Variants in SNRNP40 observed in about 807,000 individuals in gnomAD.
SNRNP40 encodes the protein U5 small nuclear ribonucleoprotein 40 kDa protein.
SNRNP40 carries 21 observed loss-of-function variants against 45.8 expected under a neutral mutation model. The ratio of observed to expected loss-of-function variants is 0.46; its 90% CI spans 0.32 to 0.66. The LOEUF is 0.66. Ranked by LOEUF, SNRNP40 falls within the 30% of genes least tolerant of loss-of-function variation. The probability of loss-of-function intolerance (pLI) is 0.03; values close to 1 mark genes in which losing one functional copy is unlikely to be tolerated. For synonymous variants in SNRNP40, 142 were observed against 163.8 expected (o/e 0.87, Z 1.01); for missense variants, 344 against 439.1 (o/e 0.78, Z 1.94).
rs1460447309 is a variant in SNRNP40, at chr1:31,269,150, G to A, written c.858+8C>T. ...AACAGTAAAACTCCTCTGCCATGCA[G>A]AACTCACCTTTTCAAAGTTGTGCAC... On this transcript the variant is annotated splice_region_variant and intron_variant, in intron 7 of 9. Transcript: ENST00000263694. 1 of 1,593,476 alleles carries A rather than the reference G, an allele frequency of 6.3e-7. No individual in the cohort carries two copies. The highest frequency in any genetic ancestry group is 8.5e-7 in the Non-Finnish European group (1 of 1,171,318).
chr1:31,271,224 G>A, intron 6 of SNRNP40, 155 bp downstream of exon 6: 1 of 695,122 alleles, frequency 1.4e-6, no homozygotes, highest in Non-Finnish European at 2.3e-6. Flanking sequence ...AGTTGTTCAG[G>A]GACAAGACAG....
chr1:31,284,272 C>T (rs1269834321), intron 4 of SNRNP40, among the ~76,000 whole-genome samples: 1 of 152,212 alleles, frequency 6.6e-6, no homozygotes. Flanking sequence ...CTTTAGCCTC[C>T]TGGATAGCTG....
chr1:31,267,985 A>G (rs1645911140), intron 7 of SNRNP40, 53 bp from the exon 8 acceptor site: 1 of 1,266,830 alleles, frequency 7.9e-7, no homozygotes, highest in Admixed American at 1.8e-5. Flanking sequence ...CCTCTTTGCA[A>G]GGCTACCGAA....
At chr1:31,282,180 C>T (rs1056677719) in intron 4 of SNRNP40, 1 of 152,046 alleles carries the variant, frequency 6.6e-6, no homozygotes, top group African/African-American at 2.4e-5. Context: ...ACTGAGGAAG[C>T]AAAGGGGGCC....
intron 1 of SNRNP40, among the ~76,000 whole-genome samples, chr1:31,295,840 G>C (rs752169974): frequency 6.6e-6 from 1 of 152,264 alleles, no homozygotes; most frequent in Non-Finnish European, 1.5e-5. Flanking sequence ...GGCAATGATG[G>C]AGATGGTAGA....
intron 9 of SNRNP40, chr1:31,261,142 AC>A: frequency 2.0e-6 from 1 of 502,472 alleles, no homozygotes; most frequent in Non-Finnish European, 3.3e-6. Context: ...GGAGTTCGTG[AC>A]CACCCTGACC....
Position 31,292,029 on chromosome 1 carries a change from G to A in SNRNP40, c.272-23C>T, listed in dbSNP as rs1025973959. The A allele has an allele frequency of 2.3e-5, 33 of 1,454,550 alleles. No individual in the cohort carries two copies. The African/African-American group carries it at 3.8e-4, about 17-fold the overall frequency. The allele number at this position is 1,454,550 out of a possible 1,614,324, so 90.1% of individuals were successfully genotyped here. On this transcript the variant is annotated intron_variant, in intron 2 of 9. Coordinates refer to ENST00000263694, the MANE Select transcript of SNRNP40 (RefSeq NM_004814.3). ...GTACTGTTAGGGAGATGGGTTCTGT[G>A]AGCATTACTAGGCAAAGGGTACTTA...
At chr1:31,294,308 A>T (rs891880163) in intron 1 of SNRNP40, among the ~76,000 whole-genome samples, 1 of 152,116 alleles carries the variant, frequency 6.6e-6, no homozygotes, top group African/African-American at 2.4e-5. Context: ...GCATGGGTGA[A>T]GTAGTTTTGA....
At chr1:31,261,963 T>C (rs1645861973) in intron 8 of SNRNP40, 1 of 194,584 alleles carries the variant, frequency 5.1e-6, no homozygotes, top group African/African-American at 2.4e-5. Flanking sequence ...GTGTCTAGTA[T>C]AATTAGGCTA....
intron 5 of SNRNP40, among the ~76,000 whole-genome samples, chr1:31,278,467 C>T (rs1645991538): frequency 6.6e-6 from 1 of 152,194 alleles, no homozygotes; most frequent in Non-Finnish European, 1.5e-5. Context: ...TGTAAATTTA[C>T]ATGTCTTGAA....
intron 8 of SNRNP40, among the ~76,000 whole-genome samples, chr1:31,266,216 T>C (rs1011677077): frequency 2.0e-5 from 3 of 152,208 alleles, no homozygotes; most frequent in African/African-American, 7.2e-5. Context: ...GTGCAGCTTC[T>C]GTGTGGCAGC....
Position 31,291,995 on chromosome 1 carries a change from C to T in SNRNP40, c.283G>A (p.Val95Ile), listed in dbSNP as rs748750316. Residue 95 changes from valine (V) to isoleucine (I), a missense_variant, in exon 3 of 10, where the codon GTC (valine) becomes ATC (isoleucine). Coordinates refer to ENST00000263694, the MANE Select transcript of SNRNP40 (RefSeq NM_004814.3). Reference sequence around the variant, plus strand: ...GCATAGTTATCACAGTCACCATAGACATTCCACAGTACTGTTAGGGAGATG... The same window carrying T: ...GCATAGTTATCACAGTCACCATAGATATTCCACAGTACTGTTAGGGAGATG... ...GFDRLILLWNVYGDCDNYATL... is the reference protein window; with the variant it reads ...GFDRLILLWNIYGDCDNYATL... 3 of 1,608,054 alleles carry T rather than the reference C, an allele frequency of 1.9e-6. No individual in the cohort carries two copies. In the East Asian group the frequency reaches 6.7e-5, roughly 36 times the overall value.
chr1:31,277,181 G>A (rs1471402929), intron 5 of SNRNP40, among the ~76,000 whole-genome samples: 3 of 152,042 alleles, frequency 2.0e-5, no homozygotes, highest in African/African-American at 4.8e-5. Context: ...TCGGCAGAGC[G>A]AGACTCTCTC....
intron 4 of SNRNP40, among the ~76,000 whole-genome samples, chr1:31,286,459 T>A (rs576811199): frequency 6.6e-6 from 1 of 152,270 alleles, no homozygotes; most frequent in African/African-American, 2.4e-5. Context: ...TTAACCAACT[T>A]GGGTCATTCC....
intron 5 of SNRNP40, among the ~76,000 whole-genome samples, chr1:31,274,380 G>A (rs1167687297): frequency 6.6e-6 from 1 of 151,956 alleles, no homozygotes; most frequent in Non-Finnish European, 1.5e-5. Context: ...GGGACTACAG[G>A]CGCGCACCAC....
At chr1:31,267,467 T>C (rs1048448153) in intron 8 of SNRNP40, among the ~76,000 whole-genome samples, 6 of 152,220 alleles carry the variant, frequency 3.9e-5, no homozygotes, top group African/African-American at 4.8e-5. Context: ...CATAACTCTA[T>C]GTCTGCTCTA....
Position 31,267,865 on chromosome 1 carries a change from C to T in SNRNP40, c.920+6G>A. 2 of 1,610,024 alleles carry T rather than the reference C, an allele frequency of 1.2e-6. No individual in the cohort carries two copies. Among genetic ancestry groups the T allele is most frequent in the Non-Finnish European group, 1.7e-6 (2 of 1,176,496 alleles). On this transcript the variant is annotated splice_donor_region_variant and intron_variant, in intron 8 of 9. Coordinates refer to ENST00000263694, the MANE Select transcript of SNRNP40 (RefSeq NM_004814.3). ...CATTCTTTACTTTGCACCCACTAATCCTTACCTGTCGGCTGAGCCAGCTGC... is the reference window on the plus strand; with the variant it reads ...CATTCTTTACTTTGCACCCACTAATTCTTACCTGTCGGCTGAGCCAGCTGC...
At chr1:31,295,651 T>C (rs1459216021) in intron 1 of SNRNP40, among the ~76,000 whole-genome samples, 2 of 152,194 alleles carry the variant, frequency 1.3e-5, no homozygotes, top group Non-Finnish European at 2.9e-5. Context: ...GTTTTTACTC[T>C]GGATGAAGTA....
At chr1:31,261,658 G>C in intron 8 of SNRNP40, 26 bp from the exon 9 acceptor site, 1 of 1,511,866 alleles carries the variant, frequency 6.6e-7, no homozygotes, top group South Asian at 1.1e-5. Flanking sequence ...AAAAGCAAGG[G>C]TAAGTCCTCT....
Sources: allele counts gnomAD v4.1 joint callset (sites outside exome capture counted in the v4.1 genomes callset), GRCh38; gene constraint gnomAD v4.1.1; transcripts MANE v1.5; gene names NCBI Gene and HGNC (gene_info 2026-07-23, HGNC 2026-07-21).